The following NLGN1 variants were observed in gnomAD, a reference collection of about 807,000 sequenced individuals.
The protein encoded by NLGN1 is neuroligin 1, also known as neuroligin-1.
NLGN1 carries 12 observed loss-of-function variants against 65.5 expected under a neutral mutation model. The observed-to-expected ratio is 0.18, with a 90% CI of 0.12 to 0.30. The LOEUF is 0.30. Among genes scored for constraint, NLGN1 ranks in the 10% least tolerant of loss-of-function variants. The pLI is 1.00. For missense variants in NLGN1, 750 were observed against 1,007.1 expected, an observed-to-expected ratio of 0.74 and a Z score of 3.46; for synonymous variants, 350 against 359.5, an observed-to-expected ratio of 0.97 and a Z score of 0.30.
chr3:173,906,581 C>T (rs1738437174), intron 4 of NLGN1, among the ~76,000 whole-genome samples: 1 of 152,104 alleles, frequency 6.6e-6, no homozygotes. Flanking sequence ...CTATATTTTT[C>T]GCCTTTCCCA....
intron 2 of NLGN1, among the ~76,000 whole-genome samples, chr3:173,585,759 G>A (rs577854887): frequency 7.9e-5 from 12 of 152,344 alleles, no homozygotes; most frequent in African/African-American, 2.4e-4. Flanking sequence ...TGCCCTGCCT[G>A]CCTCGCCACT....
intron 4 of NLGN1, among the ~76,000 whole-genome samples, chr3:173,878,625 T>G (rs1026746810): frequency 4.0e-5 from 6 of 149,674 alleles, no homozygotes; most frequent in Non-Finnish European, 8.9e-5. Flanking sequence ...TATAAATGAA[T>G]ATAAATATAT....
chr3:173,776,835 G>C (rs1780367634), intron 3 of NLGN1, among the ~76,000 whole-genome samples: 1 of 151,902 alleles, frequency 6.6e-6, no homozygotes, highest in South Asian at 2.1e-4. Context: ...TGTAAAATTG[G>C]AAAAGCATGT....
rs73038149 is a variant in NLGN1, at chr3:173,473,971, T to C, written c.-321+38893T>C. ...TGCTTTTACTTTATTAAATTTCTTC[T>C]AGTAGCAATAAAAAGAGTGCCAGCG... On this transcript the variant is annotated intron_variant, in intron 2 of 6. Transcript: ENST00000457714. 8.3e-3 allele frequency among the ~76,000 whole-genome samples: 1,268 copies of C among 152,298 alleles called. 24 individuals are homozygous for C. Among genetic ancestry groups the C allele is most frequent in the African/African-American group, 0.029 (1,224 of 41,560 alleles).
At chr3:173,546,633 T>C (rs1361091008) in intron 2 of NLGN1, among the ~76,000 whole-genome samples, 4 of 152,176 alleles carry the variant, frequency 2.6e-5, no homozygotes, top group Non-Finnish European at 5.9e-5. Flanking sequence ...GTTCTAATAT[T>C]CCGCTATATT....
intron 2 of NLGN1, among the ~76,000 whole-genome samples, chr3:173,587,823 A>G (rs1361724627): frequency 6.7e-6 from 1 of 149,962 alleles, no homozygotes; most frequent in East Asian, 1.9e-4. Flanking sequence ...TGACAGCTGC[A>G]CCTGTCCCTC....
At chr3:174,262,679 T>C (rs1360088011) in intron 4 of NLGN1, among the ~76,000 whole-genome samples, 26 of 151,192 alleles carry the variant, frequency 1.7e-4, no homozygotes, top group Non-Finnish European at 2.8e-4. Context: ...TGTGTCTCTA[T>C]TTCCTTCAGT....
At chr3:173,917,047 G>T (rs948936259) in intron 4 of NLGN1, among the ~76,000 whole-genome samples, 1 of 152,084 alleles carries the variant, frequency 6.6e-6, no homozygotes, top group Non-Finnish European at 1.5e-5. Flanking sequence ...ACATAGAAAG[G>T]GAAGAAGGCA....
chr3:173,755,536 A>G (rs1776964698), intron 3 of NLGN1, among the ~76,000 whole-genome samples: 1 of 152,078 alleles, frequency 6.6e-6, no homozygotes, highest in Admixed American at 6.6e-5. Flanking sequence ...TGTGACTTAT[A>G]GATGCTGGGA....
At chr3:173,837,703 C>A (rs565175542) in intron 4 of NLGN1, among the ~76,000 whole-genome samples, 2 of 152,256 alleles carry the variant, frequency 1.3e-5, no homozygotes, top group South Asian at 2.1e-4. Context: ...CTTTCTACTG[C>A]AGAGGATTTT....
chr3:174,059,818 T>C (rs4894462), intron 4 of NLGN1, among the ~76,000 whole-genome samples: 97,068 of 152,068 alleles, frequency 0.64, 32,988 homozygotes, highest in African/African-American at 0.88. Flanking sequence ...GCTGAATTTA[T>C]ACGGCTAGCA....
At chr3:173,717,112 G>A (rs1223044225) in intron 3 of NLGN1, among the ~76,000 whole-genome samples, 2 of 152,092 alleles carry the variant, frequency 1.3e-5, no homozygotes, top group Non-Finnish European at 2.9e-5. Context: ...AGTTGATTAA[G>A]GAAACATCTA....
At chr3:174,027,941 T>C (rs1324807909) in intron 4 of NLGN1, among the ~76,000 whole-genome samples, 1 of 152,030 alleles carries the variant, frequency 6.6e-6, no homozygotes, top group Non-Finnish European at 1.5e-5. Context: ...TGAGGGGTGG[T>C]TTCCCCCATA....
At chr3:173,942,665 G>A (rs552435027) in intron 4 of NLGN1, among the ~76,000 whole-genome samples, 1 of 138,260 alleles carries the variant, frequency 7.2e-6, no homozygotes, top group Admixed American at 6.8e-5. Flanking sequence ...GAAAAGGTAT[G>A]TGAAACTTTC....
At chr3:173,844,882 A>G (rs550733688) in intron 4 of NLGN1, among the ~76,000 whole-genome samples, 2 of 152,356 alleles carry the variant, frequency 1.3e-5, no homozygotes, top group Non-Finnish European at 2.9e-5. Flanking sequence ...ATAGTCTTCT[A>G]TTTTAAAATA....
intron 2 of NLGN1, among the ~76,000 whole-genome samples, chr3:173,520,019 C>T (rs1197817836): frequency 2.0e-5 from 3 of 152,126 alleles, no homozygotes; most frequent in Non-Finnish European, 2.9e-5. Context: ...GTGCTGTTCT[C>T]GTGATACTGA....
exon 7 of NLGN1, chr3:174,284,637 TA>T (rs1561483017): frequency 6.6e-6 from 1 of 151,248 alleles, no homozygotes; most frequent in Admixed American, 6.6e-5. Context: ...GATAGAAAAA[TA>T]AAAGTGACAG....
At chr3:173,632,362 C>T (rs1201602548) in intron 3 of NLGN1, among the ~76,000 whole-genome samples, 1 of 152,110 alleles carries the variant, frequency 6.6e-6, no homozygotes, top group African/African-American at 2.4e-5. Flanking sequence ...GGAAAAGTAG[C>T]TGAGAAATTT....
intron 1 of NLGN1, among the ~76,000 whole-genome samples, chr3:173,434,807 G>T (rs764308123): frequency 6.6e-6 from 1 of 152,210 alleles, no homozygotes; most frequent in Non-Finnish European, 1.5e-5. Context: ...AGAATTATCT[G>T]TGAATAGCTG....
Sources: gnomAD v4.1 joint callset for allele counts (sites outside exome capture counted in the v4.1 genomes callset) on GRCh38, gnomAD v4.1.1 for gene constraint, MANE v1.5 for transcripts, NCBI Gene and HGNC (gene_info 2026-07-23, HGNC 2026-07-21) for gene names.